The following CASP10 variants were observed in gnomAD, a reference collection of about 807,000 sequenced individuals.
CASP10 encodes the protein caspase 10.
In CASP10, 41 loss-of-function variants were observed where a neutral mutation model predicts 48.5. That is an observed-to-expected ratio of 0.85 (90% CI 0.66 to 1.10). The LOEUF is 1.10. Ranked by LOEUF, CASP10 falls within the 50% of genes least tolerant of loss-of-function variation. The pLI is 0.00. For synonymous variants in CASP10, 232 were observed against 238.4 expected (o/e 0.97, Z 0.25); for missense variants, 614 against 614.5 (o/e 1.00, Z 0.01).
intron 9 of CASP10, chr2:201,213,165 A>G (rs1360440441): frequency 1.3e-5 from 2 of 152,204 alleles, no homozygotes; most frequent in African/African-American, 4.8e-5. Flanking sequence ...AAGTTGAGAA[A>G]ACTATGTTGT....
intron 9 of CASP10, among the ~76,000 whole-genome samples, chr2:201,215,559 G>A (rs540582513): frequency 2.6e-5 from 4 of 152,160 alleles, no homozygotes; most frequent in African/African-American, 9.6e-5. Flanking sequence ...AAATCAGTTG[G>A]CTGTAGGTGT....
chr2:201,206,541 G>GTA (rs994295197), intron 7 of CASP10, among the ~76,000 whole-genome samples: 28 of 146,776 alleles, frequency 1.9e-4, no homozygotes, highest in African/African-American at 6.5e-4. Flanking sequence ...ATATATATGT[G>GTA]TATATATATA....
rs1945635858 is a variant in CASP10 at position 201,218,246 on chromosome 2, G to A, written c.*505G>A. The stretch of plus-strand genomic sequence containing the variant: ...AGAAAACTTTCATTATTGAAGACTT[G>A]GATTGTAGCCTTGGTTTTGGATGTC... On this transcript the variant is annotated 3_prime_UTR_variant, in exon 10 of 10. Transcript: ENST00000286186. 3.0e-6 allele frequency: 3 copies of A among 1,011,602 alleles called. No homozygotes were observed. The highest frequency in any genetic ancestry group is 7.9e-5 in the South Asian group (2 of 25,252). The allele number at this position is 1,011,602 out of a possible 1,614,324, so 62.7% of individuals were successfully genotyped here. A position where few individuals can be genotyped will look rare whatever the true frequency, so the allele number is the denominator to read the frequency against.
At chr2:201,213,890 G>A (rs1576138506) in intron 9 of CASP10, 1 of 152,314 alleles carries the variant, frequency 6.6e-6, no homozygotes, top group East Asian at 1.9e-4. Context: ...GAAAGGATAG[G>A]CTATATGTTC....
chr2:201,193,788 G>A (rs1055078971), intron 4 of CASP10, among the ~76,000 whole-genome samples: 7 of 152,278 alleles, frequency 4.6e-5, no homozygotes, highest in Admixed American at 2.0e-4. Flanking sequence ...AAAGAAGGCA[G>A]GATAGCATGG....
chr2:201,202,420 T>C (rs1486179252), intron 5 of CASP10, among the ~76,000 whole-genome samples: 1 of 152,194 alleles, frequency 6.6e-6, no homozygotes, highest in African/African-American at 2.4e-5. Flanking sequence ...TTAAAGCTTT[T>C]TTCTAGTCCC....
At chr2:201,187,416 T>C (rs899796125) in intron 2 of CASP10, among the ~76,000 whole-genome samples, 1 of 152,074 alleles carries the variant, frequency 6.6e-6, no homozygotes, top group Non-Finnish European at 1.5e-5. Flanking sequence ...ATGTCAGAAT[T>C]GTGTTTTATG....
At position 201,218,167 on chromosome 2, in the gene CASP10, C is replaced by T. The variant is rs1945633513; in HGVS notation, c.*426C>T. On this transcript the variant is annotated 3_prime_UTR_variant, in exon 10 of 10. Transcript: ENST00000286186. ...AAACTCCTAGGCCCAAGTGATCCTCCCACCTCTGTCCCCAAAATACTGGGA... is the reference window on the plus strand; with the variant it reads ...AAACTCCTAGGCCCAAGTGATCCTCTCACCTCTGTCCCCAAAATACTGGGA... 1 of 1,034,540 alleles carries T rather than the reference C, an allele frequency of 9.7e-7. No individual in the cohort carries two copies. Among genetic ancestry groups the T allele is most frequent in the African/African-American group, 1.7e-5 (1 of 58,262 alleles). The allele number at this position is 1,034,540 out of a possible 1,614,324, so 64.1% of individuals were successfully genotyped here.
At chr2:201,208,268 T>G in intron 8 of CASP10, 85 bp downstream of exon 8, 1 of 1,512,418 alleles carries the variant, frequency 6.6e-7, no homozygotes, top group Non-Finnish European at 8.8e-7. Flanking sequence ...TCTGTGACTT[T>G]TATCTTCCAT....
chr2:201,208,441 G>A (rs957577647), intron 8 of CASP10: 3 of 854,366 alleles, frequency 3.5e-6, no homozygotes, highest in South Asian at 5.4e-5. Flanking sequence ...CAACTTGGGC[G>A]TGAGCTCCAG....
chr2:201,190,274 G>T (rs887311413), intron 3 of CASP10, among the ~76,000 whole-genome samples: 1 of 151,740 alleles, frequency 6.6e-6, no homozygotes, highest in South Asian at 2.1e-4. Context: ...CACACACTAC[G>T]TATATACACA....
In CASP10 at chr2:201,185,831, G is replaced by A; in HGVS notation, c.54G>A (p.Val18=). The change falls in exon 2 of 10, where the codon GTG becomes GTA. Residue 18 remains valine (V), a synonymous_variant. Coordinates refer to ENST00000286186, the MANE Select transcript of CASP10 (RefSeq NM_032977.4). ...WYSSSDKNCK[V]SFREKLLIID... Reference sequence around the variant, plus strand: ...CCAGTTCAGATAAAAACTGTAAAGTGAGCTTTCGTGAGAAGCTTCTGATTA... The same window carrying A: ...CCAGTTCAGATAAAAACTGTAAAGTAAGCTTTCGTGAGAAGCTTCTGATTA... The A allele has an allele frequency of 6.2e-7, 1 of 1,614,128 alleles. No individual in the cohort carries two copies. Among genetic ancestry groups the A allele is most frequent in the Non-Finnish European group, 8.5e-7 (1 of 1,180,016 alleles).
At position 201,186,422 on chromosome 2, in the gene CASP10, C is replaced by T. The variant is rs966557111; in HGVS notation, c.347+298C>T. 5 of 404,380 alleles carry T rather than the reference C, an allele frequency of 1.2e-5. No homozygotes were observed. In the East Asian group the frequency reaches 1.6e-4, roughly 13 times the overall value. The allele number at this position is 404,380 out of a possible 1,614,324, so 25.0% of individuals were successfully genotyped here. ...AGCCCGTGTTTTCCCTGCTTACCAG[C>T]GGCTACACGTGCAGATCTTCTCCCT... On this transcript the variant is annotated intron_variant, in intron 2 of 9. Coordinates refer to ENST00000286186, the MANE Select transcript of CASP10 (RefSeq NM_032977.4).
intron 7 of CASP10, 32 bp downstream of exon 7, chr2:201,206,005 TA>T (rs746724152): frequency 7.3e-5 from 104 of 1,424,990 alleles, no homozygotes; most frequent in Middle Eastern, 2.1e-4. Flanking sequence ...CCTTTTTTAA[TA>T]AAAAAATTTT....
intron 5 of CASP10, among the ~76,000 whole-genome samples, chr2:201,201,670 C>T (rs183944314): frequency 2.1e-4 from 32 of 152,280 alleles, no homozygotes; most frequent in Non-Finnish European, 4.7e-4. Flanking sequence ...GGCACAGCAT[C>T]TCACGTGTTT....
intron 2 of CASP10, among the ~76,000 whole-genome samples, chr2:201,187,420 T>C (rs1944451652): frequency 6.6e-6 from 1 of 152,066 alleles, no homozygotes; most frequent in Non-Finnish European, 1.5e-5. Context: ...CAGAATTGTG[T>C]TTTATGCCTT....
At chr2:201,226,681 G>C (rs1193335083) in intron 9 of CASP10, among the ~76,000 whole-genome samples, 6 of 119,220 alleles carry the variant, frequency 5.0e-5, no homozygotes, top group African/African-American at 1.4e-4. Flanking sequence ...AGCATTGTTT[G>C]TAAAAGTACA....
intron 3 of CASP10, among the ~76,000 whole-genome samples, chr2:201,189,976 G>A (rs1179483041): frequency 6.6e-6 from 1 of 152,142 alleles, no homozygotes; most frequent in Non-Finnish European, 1.5e-5. Context: ...CTCCAGCCTG[G>A]GTAACAGAGT....
chr2:201,189,115 A>T (rs1366345154), intron 3 of CASP10, among the ~76,000 whole-genome samples: 1 of 151,712 alleles, frequency 6.6e-6, no homozygotes, highest in Non-Finnish European at 1.5e-5. Flanking sequence ...TAGGTGATCC[A>T]CCCGTCTCGG....
Sources: allele counts gnomAD v4.1 joint callset (sites outside exome capture counted in the v4.1 genomes callset), GRCh38; gene constraint gnomAD v4.1.1; transcripts MANE v1.5; gene names NCBI Gene and HGNC (gene_info 2026-07-23, HGNC 2026-07-21).